The following RIN2 variants were observed in gnomAD, a reference collection of about 807,000 sequenced individuals.
RIN2 encodes the protein Ras and Rab interactor 2, also known as RAB5 interacting protein 2.
Under a neutral mutation model 78.0 loss-of-function variants are expected in RIN2, and 36 were observed. The observed-to-expected ratio is 0.46, with a 90% CI of 0.35 to 0.61. The LOEUF is 0.61. Ranked by LOEUF, RIN2 falls within the 20% of genes least tolerant of loss-of-function variation. The pLI is 0.00. For missense variants in RIN2, 1,087 were observed against 1,159.7 expected (o/e 0.94, Z 0.91); for synonymous variants, 466 against 466.8 (o/e 1.00, Z 0.02).
At chr20:19,851,508 A>C (rs969603774) in intron 2 of RIN2, among the ~76,000 whole-genome samples, 1 of 152,146 alleles carries the variant, frequency 6.6e-6, no homozygotes, top group African/African-American at 2.4e-5. Flanking sequence ...AGATTGCTTG[A>C]GGCCAGAAGT....
intron 9 of RIN2, among the ~76,000 whole-genome samples, chr20:19,981,512 T>C (rs1409749363): frequency 6.6e-6 from 1 of 152,148 alleles, no homozygotes; most frequent in Non-Finnish European, 1.5e-5. Flanking sequence ...CTACATAAAT[T>C]ATTTGGAATT....
intron 3 of RIN2, among the ~76,000 whole-genome samples, chr20:19,909,243 C>T (rs1006708529): frequency 6.6e-6 from 1 of 152,112 alleles, no homozygotes; most frequent in Non-Finnish European, 1.5e-5. Context: ...GCTTTATAAT[C>T]TCCTCCTCCA....
At chr20:19,887,287 A>G (rs116491793) in intron 2 of RIN2, among the ~76,000 whole-genome samples, 2,236 of 151,974 alleles carry the variant, frequency 0.015, 66 homozygotes, top group African/African-American at 0.052. Flanking sequence ...GCTTCCCAAA[A>G]TGCTGGTCAT....
chr20:19,860,201 A>G (rs1347443473), intron 2 of RIN2, among the ~76,000 whole-genome samples: 1 of 152,224 alleles, frequency 6.6e-6, no homozygotes, highest in Non-Finnish European at 1.5e-5. Context: ...CCTCAGATGA[A>G]GTGGCACAGA....
chr20:19,969,132 A>G (rs902869873), intron 7 of RIN2, among the ~76,000 whole-genome samples: 35 of 152,138 alleles, frequency 2.3e-4, no homozygotes, highest in African/African-American at 8.2e-4. Flanking sequence ...TTTGTTATTC[A>G]TTGTTAACAG....
intron 2 of RIN2, among the ~76,000 whole-genome samples, chr20:19,834,299 G>A (rs565281188): frequency 6.6e-6 from 1 of 152,328 alleles, no homozygotes; most frequent in South Asian, 2.1e-4. Context: ...GTGGGAAGAT[G>A]CAACTGGGAC....
At chr20:19,989,878 T>G in intron 9 of RIN2, 128 bp from the exon 10 acceptor site, 1 of 882,668 alleles carries the variant, frequency 1.1e-6, no homozygotes, top group Non-Finnish European at 1.7e-6. Flanking sequence ...GTTGGTTGGA[T>G]GTTAAGGTGT....
intron 3 of RIN2, among the ~76,000 whole-genome samples, chr20:19,927,694 C>G (rs1600834048): frequency 6.6e-6 from 1 of 151,880 alleles, no homozygotes. Context: ...AGATTACAAG[C>G]GTGAGCCACC....
chr20:19,886,166 C>T (rs1027125465), intron 2 of RIN2, among the ~76,000 whole-genome samples: 1 of 152,210 alleles, frequency 6.6e-6, no homozygotes, highest in African/African-American at 2.4e-5. Flanking sequence ...AAATGGAAAT[C>T]GGGGACTCTG....
At chr20:19,999,312 C>G (rs1302972734) in intron 12 of RIN2, among the ~76,000 whole-genome samples, 1 of 152,172 alleles carries the variant, frequency 6.6e-6, no homozygotes, top group African/African-American at 2.4e-5. Context: ...CACTGTCAAT[C>G]TGGGCACCTC....
intron 1 of RIN2, among the ~76,000 whole-genome samples, chr20:19,759,757 C>CG (rs1432393697): frequency 6.6e-6 from 1 of 152,120 alleles, no homozygotes; most frequent in Admixed American, 6.5e-5. Flanking sequence ...CCCAGCTACT[C>CG]GGGAGGCTGA....
At position 19,975,667 on chromosome 20, in the gene RIN2, G is replaced by A. The variant is rs181298473; in HGVS notation, c.1642G>A (p.Val548Met). Residue 548 changes from valine to methionine, a missense_variant, in exon 9 of 13, where the codon GTG becomes ATG. Val to Met is a conservative substitution (Grantham distance 21). Coordinates refer to ENST00000255006, the MANE Select transcript of RIN2 (RefSeq NM_018993.4). The surrounding 1 kb of genome is among the most constrained non-coding windows in gnomAD (Gnocchi z 4.9). ...CCTGCAGGAGAACAAGGAGTGCCACGTGTCCAGCACCGACATGCTGCAGAC... is the reference window on the plus strand; with the variant it reads ...CCTGCAGGAGAACAAGGAGTGCCACATGTCCAGCACCGACATGCTGCAGAC... ...SFLQENKECH[V>M]SSTDMLQTIR... 5.4e-3 allele frequency: 8,703 copies of A among 1,613,680 alleles called. 47 individuals are homozygous for A. The highest frequency in any genetic ancestry group is 0.016 in the Middle Eastern group (95 of 6,062).
intron 1 of RIN2, among the ~76,000 whole-genome samples, chr20:19,768,214 A>G (rs568809746): frequency 6.6e-6 from 1 of 152,350 alleles, no homozygotes; most frequent in East Asian, 1.9e-4. Flanking sequence ...GGAAGGTCTC[A>G]GACCAGGTTC....
intron 4 of RIN2, among the ~76,000 whole-genome samples, chr20:19,944,685 A>G (rs1257820524): frequency 3.3e-5 from 5 of 150,176 alleles, no homozygotes; most frequent in Admixed American, 6.7e-5. Context: ...TATCAAGAGA[A>G]GTGGCTTTTT....
intron 3 of RIN2, among the ~76,000 whole-genome samples, chr20:19,904,150 T>C (rs890311806): frequency 1.3e-5 from 2 of 151,552 alleles, no homozygotes; most frequent in Non-Finnish European, 2.9e-5. Context: ...GAGAATTGCT[T>C]GAACCCAGCA....
intron 2 of RIN2, among the ~76,000 whole-genome samples, chr20:19,852,710 C>T (rs985365021): frequency 1.3e-4 from 20 of 152,056 alleles, no homozygotes; most frequent in Non-Finnish European, 2.5e-4. Flanking sequence ...CTACATTAGT[C>T]CTTTACATAC....
intron 2 of RIN2, among the ~76,000 whole-genome samples, chr20:19,882,629 G>T (rs1290025868): frequency 1.3e-5 from 2 of 152,284 alleles, no homozygotes; most frequent in African/African-American, 4.8e-5. Context: ...ACGGGCTGAG[G>T]TGGCTTATGA....
intron 4 of RIN2, among the ~76,000 whole-genome samples, chr20:19,944,312 C>T (rs527657164): frequency 6.6e-6 from 1 of 152,284 alleles, no homozygotes; most frequent in East Asian, 1.9e-4. Context: ...TCTCTTCTCC[C>T]AACCCCGCTA....
intron 4 of RIN2, among the ~76,000 whole-genome samples, chr20:19,948,905 C>G (rs1243507621): frequency 6.6e-6 from 1 of 152,058 alleles, no homozygotes; most frequent in African/African-American, 2.4e-5. Flanking sequence ...TAGGCTCAAG[C>G]AATCCACCTC....
Sources: allele counts gnomAD v4.1 joint callset (sites outside exome capture counted in the v4.1 genomes callset), GRCh38; gene constraint gnomAD v4.1.1; non-coding constraint Gnocchi (gnomAD v3.1); transcripts MANE v1.5; gene names NCBI Gene and HGNC (gene_info 2026-07-23, HGNC 2026-07-21).